RAP1GAP2: variants seen among roughly 807,000 people sequenced by gnomAD.
RAP1GAP2 encodes rap1 GTPase-activating protein 2.
A neutral mutation model predicts 95.0 loss-of-function variants in RAP1GAP2; 27 were observed. The ratio of observed to expected loss-of-function variants is 0.28; its 90% CI spans 0.21 to 0.39. The LOEUF (loss-of-function observed/expected upper bound fraction) is 0.39. Ranked by LOEUF, RAP1GAP2 falls within the 10% of genes least tolerant of loss-of-function variation. RAP1GAP2 has a pLI of 1.00. For synonymous variants in RAP1GAP2, 373 were observed against 380.9 expected, an observed-to-expected ratio of 0.98 and a Z score of 0.24; for missense variants, 771 against 970.0, an observed-to-expected ratio of 0.79 and a Z score of 2.72.
chr17:2,858,720 G>A (rs2072249864), intron 2 of RAP1GAP2, among the ~76,000 whole-genome samples: 1 of 152,066 alleles, frequency 6.6e-6, no homozygotes. Flanking sequence ...AGACCAGCCT[G>A]GGCAATATAG....
intron 2 of RAP1GAP2, among the ~76,000 whole-genome samples, chr17:2,858,941 C>T (rs530871746): frequency 6.1e-4 from 92 of 151,986 alleles, no homozygotes; most frequent in African/African-American, 1.3e-3. Flanking sequence ...GTAACACTAC[C>T]GTTATTATAC....
At chr17:2,811,309 A>G (rs1206190634) in intron 2 of RAP1GAP2, among the ~76,000 whole-genome samples, 1 of 152,212 alleles carries the variant, frequency 6.6e-6, no homozygotes, top group African/African-American at 2.4e-5. Context: ...TTTACAGATC[A>G]GTAAGCTGAG....
chr17:2,813,768 G>A (rs370969966), intron 2 of RAP1GAP2, among the ~76,000 whole-genome samples: 6 of 151,852 alleles, frequency 4.0e-5, no homozygotes, highest in Admixed American at 3.9e-4. Context: ...GAGACCAGCC[G>A]GGCCAACATG....
intron 2 of RAP1GAP2, among the ~76,000 whole-genome samples, chr17:2,823,280 G>A (rs541830187): frequency 6.6e-6 from 1 of 152,268 alleles, no homozygotes; most frequent in African/African-American, 2.4e-5. Context: ...CTGGTGTCCT[G>A]TGGGGTTTTG....
intron 24 of RAP1GAP2, chr17:3,032,972 G>T (rs1597924458): frequency 6.2e-6 from 1 of 162,070 alleles, no homozygotes; most frequent in East Asian, 1.7e-4. Context: ...CCCCATCAAG[G>T]CCTGGATTTC....
intron 2 of RAP1GAP2, among the ~76,000 whole-genome samples, chr17:2,873,685 A>T (rs2072954021): frequency 1.3e-5 from 2 of 151,960 alleles, no homozygotes; most frequent in Non-Finnish European, 2.9e-5. Context: ...GTGATGAAAA[A>T]GTTATGGAAT....
At chr17:2,976,421 C>T (rs2045123869) in intron 8 of RAP1GAP2, among the ~76,000 whole-genome samples, 1 of 152,038 alleles carries the variant, frequency 6.6e-6, no homozygotes, top group Non-Finnish European at 1.5e-5. Flanking sequence ...GAAAAAATCT[C>T]ATATTTGGAA....
chr17:2,755,781 G>A (rs1455599641), intron 1 of RAP1GAP2: 1 of 354,636 alleles, frequency 2.8e-6, no homozygotes, highest in Admixed American at 4.7e-5. Context: ...AGTGGGCGCC[G>A]GGCGGCGCGG....
chr17:2,848,644 A>G (rs2071690964), intron 2 of RAP1GAP2, among the ~76,000 whole-genome samples: 1 of 151,710 alleles, frequency 6.6e-6, no homozygotes, highest in South Asian at 2.1e-4. Context: ...CTCCCGAGTA[A>G]CTGGTATTCC....
chr17:2,984,663 C>A (rs2045491075), intron 10 of RAP1GAP2, among the ~76,000 whole-genome samples: 1 of 152,064 alleles, frequency 6.6e-6, no homozygotes. Context: ...CTTTTTACAC[C>A]ACAGATTCAA....
chr17:2,757,637 A>G (rs1046940609), intron 1 of RAP1GAP2, among the ~76,000 whole-genome samples: 3 of 151,758 alleles, frequency 2.0e-5, no homozygotes, highest in Non-Finnish European at 4.4e-5. Flanking sequence ...TGGGCCACTG[A>G]TGACCACCTT....
intron 2 of RAP1GAP2, among the ~76,000 whole-genome samples, chr17:2,888,665 T>C (rs978755766): frequency 6.6e-6 from 1 of 150,526 alleles, no homozygotes; most frequent in African/African-American, 2.4e-5. Flanking sequence ...TTTTTTTTTT[T>C]TTTTGGAGAC....
At chr17:2,908,398 A>G (rs2042269684) in intron 3 of RAP1GAP2, among the ~76,000 whole-genome samples, 1 of 152,156 alleles carries the variant, frequency 6.6e-6, no homozygotes, top group African/African-American at 2.4e-5. Context: ...GAGGATTAAG[A>G]TGAGACCTTT....
intron 17 of RAP1GAP2, among the ~76,000 whole-genome samples, chr17:3,010,560 CAGCAGCTAAATACAGGT>C (rs1443001621): frequency 6.6e-6 from 1 of 152,090 alleles, no homozygotes; most frequent in East Asian, 1.9e-4. Flanking sequence ...GGAGGTGGTC[CAGCAGCTAAATACAGGT>C]GGCAGGTATA....
At chr17:2,795,097 C>T (rs868544640), upstream of RAP1GAP2, among the ~76,000 whole-genome samples, 8 of 151,834 alleles carry the variant, frequency 5.3e-5, no homozygotes, top group African/African-American at 1.2e-4. Flanking sequence ...AGGCTGGTCT[C>T]GAACTCCTGA....
At chr17:3,026,573 G>A in intron 21 of RAP1GAP2, 109 bp downstream of exon 21, 1 of 982,342 alleles carries the variant, frequency 1.0e-6, no homozygotes. Flanking sequence ...TCTTTGCAGA[G>A]GAAAGGGGAA....
chr17:2,931,109 G>A (rs1415593896), intron 3 of RAP1GAP2, among the ~76,000 whole-genome samples: 5 of 130,134 alleles, frequency 3.8e-5, no homozygotes, highest in African/African-American at 1.2e-4. Context: ...GTGACAGAGC[G>A]AGACTCCATC....
At chr17:2,927,686 G>A (rs1055497191) in intron 3 of RAP1GAP2, among the ~76,000 whole-genome samples, 1 of 152,188 alleles carries the variant, frequency 6.6e-6, no homozygotes, top group Non-Finnish European at 1.5e-5. Flanking sequence ...AGTGTTGGGG[G>A]GCAGTATTTG....
At chr17:2,993,746 A>G (rs1209892011) in intron 12 of RAP1GAP2, among the ~76,000 whole-genome samples, 1 of 151,802 alleles carries the variant, frequency 6.6e-6, no homozygotes, top group Non-Finnish European at 1.5e-5. Flanking sequence ...TTAAAATGTG[A>G]AAAAACGGCC....
Sources: allele counts gnomAD v4.1 joint callset (sites outside exome capture counted in the v4.1 genomes callset), GRCh38; gene constraint gnomAD v4.1.1; transcripts MANE v1.5; gene names NCBI Gene and HGNC (gene_info 2026-07-23, HGNC 2026-07-21).